The following MARK1 variants were observed in gnomAD, a reference collection of about 807,000 sequenced individuals.
The protein encoded by MARK1 is microtubule affinity regulating kinase 1.
MARK1 carries 40 observed loss-of-function variants against 96.3 expected under a neutral mutation model. That is an observed-to-expected ratio of 0.42 (90% CI 0.32 to 0.54). The LOEUF is 0.54. MARK1 is among the 20% of genes least tolerant of loss of function. The pLI is 0.16. For missense variants in MARK1, 719 were observed against 984.6 expected (o/e 0.73, Z 3.61); for synonymous variants, 317 against 341.2 (o/e 0.93, Z 0.78).
chr1:220,552,687 G>T (rs1046158692), intron 1 of MARK1, among the ~76,000 whole-genome samples: 1 of 152,144 alleles, frequency 6.6e-6, no homozygotes, highest in Non-Finnish European at 1.5e-5. Context: ...ACCAGTGAAG[G>T]TTTTGTCATA....
intron 6 of MARK1, among the ~76,000 whole-genome samples, chr1:220,604,965 G>T (rs948324365): frequency 6.6e-6 from 1 of 151,898 alleles, no homozygotes; most frequent in African/African-American, 2.4e-5. Flanking sequence ...AAAATGGCTC[G>T]CTACCTCTTC....
At chr1:220,599,977 C>G in intron 5 of MARK1, 114 bp downstream of exon 5, 1 of 570,790 alleles carries the variant, frequency 1.8e-6, no homozygotes, top group Non-Finnish European at 2.9e-6. Context: ...ATTGTTTTAT[C>G]TAAATGCCTT....
chr1:220,619,556 C>G (rs1380273239), intron 9 of MARK1, among the ~76,000 whole-genome samples: 1 of 152,182 alleles, frequency 6.6e-6, no homozygotes, highest in Non-Finnish European at 1.5e-5. Context: ...GTACAACATA[C>G]TGGAAACAGG....
chr1:220,534,868 AT>A (rs535107240), intron 1 of MARK1, among the ~76,000 whole-genome samples: 218 of 152,240 alleles, frequency 1.4e-3, no homozygotes, highest in African/African-American at 4.9e-3. Context: ...TGTCTTTTTT[AT>A]AGCTGAATAA....
At chr1:220,610,950 G>A (rs962010850) in intron 6 of MARK1, among the ~76,000 whole-genome samples, 3 of 152,078 alleles carry the variant, frequency 2.0e-5, no homozygotes, top group Non-Finnish European at 4.4e-5. Context: ...TGGAAGCTTC[G>A]TCCCAGAGGG....
At chr1:220,597,472 T>C (rs1253638818) in intron 3 of MARK1, among the ~76,000 whole-genome samples, 1 of 152,174 alleles carries the variant, frequency 6.6e-6, no homozygotes, top group East Asian at 1.9e-4. Flanking sequence ...TGATTTATAT[T>C]TCCATAATGA....
intron 17 of MARK1, among the ~76,000 whole-genome samples, chr1:220,659,305 C>T (rs1346054178): frequency 2.6e-5 from 4 of 151,982 alleles, no homozygotes; most frequent in African/African-American, 4.8e-5. Context: ...CAGCAAGGAA[C>T]ATAGGTGGGA....
At chr1:220,551,742 C>T (rs925333834) in intron 1 of MARK1, among the ~76,000 whole-genome samples, 1 of 152,170 alleles carries the variant, frequency 6.6e-6, no homozygotes, top group Non-Finnish European at 1.5e-5. Flanking sequence ...AGTGTATTTA[C>T]AGCAAAATAA....
Position 220,652,145 on chromosome 1 carries a change from G to T in MARK1, c.1731G>T (p.Arg577=), listed in dbSNP as rs761257438. 2 of 1,601,308 alleles carry T rather than the reference G, an allele frequency of 1.2e-6. No individual in the cohort carries two copies. The highest frequency in any genetic ancestry group is 8.5e-7 in the Non-Finnish European group (1 of 1,169,720). ...TTAAAGACGGCTCTGAAGCTTACCG[G>T]CCTGGGTAATGTGTTGGTTACATCT... The part of the protein sequence containing the change: ...PTIKDGSEAY[R]PGTTQRVPAA... Residue 577 remains arginine, a synonymous_variant, in exon 15 of 18, where the codon CGG becomes CGT. Coordinates refer to ENST00000366917, the MANE Select transcript of MARK1 (RefSeq NM_018650.5).
intron 17 of MARK1, among the ~76,000 whole-genome samples, chr1:220,659,530 A>G (rs1415960148): frequency 1.3e-5 from 2 of 152,172 alleles, no homozygotes; most frequent in African/African-American, 4.8e-5. Flanking sequence ...TGAGTAATTA[A>G]TACATTTTAG....
intron 3 of MARK1, among the ~76,000 whole-genome samples, chr1:220,582,169 C>T (rs939153173): frequency 6.6e-6 from 1 of 152,170 alleles, no homozygotes; most frequent in Admixed American, 6.5e-5. Context: ...TGCCTTTGTA[C>T]TTATCGGAGA....
chr1:220,612,358 A>T (rs1666497108), intron 6 of MARK1, among the ~76,000 whole-genome samples: 1 of 152,158 alleles, frequency 6.6e-6, no homozygotes, highest in Non-Finnish European at 1.5e-5. Flanking sequence ...TAATTACTAA[A>T]ATTGGCTTGG....
At position 220,635,984 on chromosome 1, in the gene MARK1, T is replaced by C. The variant is rs751094216; in HGVS notation, c.1428T>C (p.Pro476=). Reference sequence around the variant, plus strand: ...CAAAAAGCGAGATGACTGCAAGCCCTCTTGTAGGGCCAGAGAGGAAAAAAT... The same window carrying C: ...CAAAAAGCGAGATGACTGCAAGCCCCCTTGTAGGGCCAGAGAGGAAAAAAT... ...VGSKSEMTAS[P]LVGPERKKSS... Residue 476 remains proline (P), a synonymous_variant, in exon 13 of 18, where the codon CCT becomes CCC. Transcript: ENST00000366917. The C allele has an allele frequency of 1.9e-6, 3 of 1,613,650 alleles. No homozygotes were observed. Among genetic ancestry groups the C allele is most frequent in the South Asian group, 2.2e-5 (2 of 90,970 alleles).
At chr1:220,533,745 A>C (rs568488736) in intron 1 of MARK1, among the ~76,000 whole-genome samples, 66 of 152,188 alleles carry the variant, frequency 4.3e-4, no homozygotes, top group Admixed American at 5.2e-4. Flanking sequence ...GTGTGGATTC[A>C]TATGTCTCAT....
intron 1 of MARK1, among the ~76,000 whole-genome samples, chr1:220,552,429 A>G (rs754460901): frequency 4.6e-5 from 7 of 152,212 alleles, no homozygotes; most frequent in Non-Finnish European, 8.8e-5. Context: ...ATCCTGGAAT[A>G]TATTACCCCA....
chr1:220,593,582 C>G (rs1665133623), intron 3 of MARK1, among the ~76,000 whole-genome samples: 1 of 152,158 alleles, frequency 6.6e-6, no homozygotes, highest in Non-Finnish European at 1.5e-5. Context: ...CTCTGCAAAT[C>G]TAACCCACAG....
chr1:220,603,412 G>T (rs191125956), intron 5 of MARK1, among the ~76,000 whole-genome samples: 1 of 152,112 alleles, frequency 6.6e-6, no homozygotes, highest in African/African-American at 2.4e-5. Flanking sequence ...CCATGAAGAT[G>T]AAGATGCAAA....
intron 1 of MARK1, among the ~76,000 whole-genome samples, chr1:220,539,051 A>G (rs1477724987): frequency 6.6e-6 from 1 of 152,038 alleles, no homozygotes; most frequent in Non-Finnish European, 1.5e-5. Context: ...CTAATTGAAT[A>G]CCCTTTATTT....
At chr1:220,547,389 G>A (rs1322174393) in intron 1 of MARK1, among the ~76,000 whole-genome samples, 1 of 152,206 alleles carries the variant, frequency 6.6e-6, no homozygotes, top group Non-Finnish European at 1.5e-5. Context: ...AACCAGGTTG[G>A]TTGATCACTT....
Sources: gnomAD v4.1 joint callset for allele counts (sites outside exome capture counted in the v4.1 genomes callset) on GRCh38, gnomAD v4.1.1 for gene constraint, MANE v1.5 for transcripts, NCBI Gene and HGNC (gene_info 2026-07-23, HGNC 2026-07-21) for gene names.